Variants in SH3BP4 observed in about 807,000 individuals in gnomAD.
SH3BP4 encodes SH3 domain-binding protein 4.
Under a neutral mutation model 65.5 loss-of-function variants are expected in SH3BP4, and 33 were observed. That is an observed-to-expected ratio of 0.50 (90% CI 0.38 to 0.67). The LOEUF is 0.67. SH3BP4 is among the 30% of genes least tolerant of loss of function. The probability of loss-of-function intolerance (pLI) is 0.00; values close to 1 mark genes in which losing one functional copy is unlikely to be tolerated. For synonymous variants in SH3BP4, 552 were observed against 545.5 expected (o/e 1.01, Z -0.17); for missense variants, 1,134 against 1,261.4 (o/e 0.90, Z 1.53).
intron 1 of SH3BP4, among the ~76,000 whole-genome samples, chr2:234,990,926 G>A (rs914226444): frequency 1.3e-5 from 2 of 152,092 alleles, no homozygotes. Flanking sequence ...CCCCATCTTA[G>A]TCATCCTGTC....
At chr2:235,013,818 CAA>C (rs1048720565) in intron 2 of SH3BP4, among the ~76,000 whole-genome samples, 2 of 152,164 alleles carry the variant, frequency 1.3e-5, no homozygotes, top group African/African-American at 2.4e-5. Context: ...TGGTTGCCAT[CAA>C]GAAATGCCTT....
rs141754073 is a variant in SH3BP4 at position 234,984,682 on chromosome 2, C to T, written c.-206-10621C>T. Among the ~76,000 whole-genome samples the T allele has an allele frequency of 4.0e-3, 612 of 152,248 alleles. 6 individuals are homozygous for T. Among genetic ancestry groups the T allele is most frequent in the African/African-American group, 0.014 (571 of 41,532 alleles). ...CTGAGTGCTCAGGACCAGAACCGACCGAGTCCTCAGTTACATCACTCAGCT... is the reference window on the plus strand; with the variant it reads ...CTGAGTGCTCAGGACCAGAACCGACTGAGTCCTCAGTTACATCACTCAGCT... On this transcript the variant is annotated intron_variant, in intron 1 of 5. Transcript: ENST00000392011.
chr2:234,957,887 C>T (rs73124221), intron 1 of SH3BP4, among the ~76,000 whole-genome samples: 5,597 of 152,166 alleles, frequency 0.037, 192 homozygotes, highest in African/African-American at 0.094. Context: ...CTTAAGGCCT[C>T]GTAGAGGGTG....
At chr2:235,038,341 A>C (rs1373964266) in intron 3 of SH3BP4, among the ~76,000 whole-genome samples, 4 of 17,008 alleles carry the variant, frequency 2.4e-4, no homozygotes, top group African/African-American at 1.2e-3. Flanking sequence ...TATATATAGT[A>C]TATATATTTT....
At chr2:235,021,464 A>G (rs1694843319) in intron 2 of SH3BP4, among the ~76,000 whole-genome samples, 1 of 151,738 alleles carries the variant, frequency 6.6e-6, no homozygotes, top group Non-Finnish European at 1.5e-5. Context: ...AAAAAAAAAT[A>G]CAAAAAATAT....
At chr2:235,013,616 C>A (rs764270049) in intron 2 of SH3BP4, among the ~76,000 whole-genome samples, 6 of 152,176 alleles carry the variant, frequency 3.9e-5, no homozygotes, top group Non-Finnish European at 5.9e-5. Context: ...TCAAGAGCTC[C>A]CAATGTAACT....
chr2:235,036,736 T>TAAAAAAAAAAAAAAAAA (rs892360274), intron 3 of SH3BP4, among the ~76,000 whole-genome samples: 1 of 39,146 alleles, frequency 2.6e-5, no homozygotes, highest in African/African-American at 3.0e-4. Flanking sequence ...AGACTCTATA[T>TAAAAAAAAAAAAAAAAA]AAAAAATAAT....
At chr2:234,968,283 G>A (rs1033965031) in intron 1 of SH3BP4, among the ~76,000 whole-genome samples, 3 of 152,128 alleles carry the variant, frequency 2.0e-5, no homozygotes, top group South Asian at 2.1e-4. Flanking sequence ...GCAGAAACAC[G>A]GCCACCTGAT....
chr2:234,978,120 A>G lies in SH3BP4; in HGVS notation c.-206-17183A>G, dbSNP rs576957206. Among the ~76,000 whole-genome samples the G allele has an allele frequency of 6.6e-6, 1 of 151,010 alleles. No homozygotes were observed. The highest frequency in any genetic ancestry group is 1.5e-5 in the Non-Finnish European group (1 of 67,780). On this transcript the variant is annotated intron_variant, in intron 1 of 5. Transcript: ENST00000392011. The surrounding 1 kb of genome is among the most constrained non-coding windows in gnomAD (Gnocchi z 4.1). ...ACAGGCATGCGCCACCATGCCGGCT[A>G]ATTTTTGTATTTTTTAGTAGAGAAG...
At chr2:235,038,519 A>T (rs1390249334) in intron 3 of SH3BP4, among the ~76,000 whole-genome samples, 1 of 147,862 alleles carries the variant, frequency 6.8e-6, no homozygotes, top group Non-Finnish European at 1.5e-5. Flanking sequence ...TATATGTTAT[A>T]TGTATATTAC....
chr2:235,035,048 C>T lies in SH3BP4; in HGVS notation c.46C>T (p.Arg16Cys), dbSNP rs867144667. Residue 16 changes from arginine to cysteine, a missense_variant, in exon 3 of 6, where the codon CGC becomes TGC. Transcript: ENST00000392011. The surrounding 1 kb of genome is among the most constrained non-coding windows in gnomAD (Gnocchi z 5.0). Reference protein sequence around the residue: ...IRAANSNGLPRCKSEGTLIDL... With the variant: ...IRAANSNGLPCCKSEGTLIDL... Reference sequence around the variant, plus strand: ...AGCGGCCAACTCCAATGGCCTCCCTCGCTGCAAGTCAGAGGGGACCCTGAT... The same window carrying T: ...AGCGGCCAACTCCAATGGCCTCCCTTGCTGCAAGTCAGAGGGGACCCTGAT... 7 of 1,614,042 alleles carry T rather than the reference C, an allele frequency of 4.3e-6. 1 individual carries two copies. The South Asian group carries it at 4.4e-5, about 10-fold the overall frequency.
At chr2:235,027,338 C>T (rs927338726) in intron 2 of SH3BP4, among the ~76,000 whole-genome samples, 1 of 149,754 alleles carries the variant, frequency 6.7e-6, no homozygotes, top group African/African-American at 2.4e-5. Context: ...CCAGGAGTCC[C>T]TCCCACCCAC....
At position 235,052,724 on chromosome 2, in the gene SH3BP4, G is replaced by T; in HGVS notation, c.2641G>T (p.Asp881Tyr). 1.2e-6 allele frequency: 2 copies of T among 1,603,324 alleles called. No homozygotes were observed. The highest frequency in any genetic ancestry group is 1.7e-6 in the Non-Finnish European group (2 of 1,175,832). Residue 881 changes from aspartate to tyrosine, a missense_variant, in exon 5 of 6, where the codon GAC (aspartate) becomes TAC (tyrosine). Transcript: ENST00000392011. The surrounding 1 kb of genome is among the most constrained non-coding windows in gnomAD (Gnocchi z 5.0). Reference protein sequence around the residue: ...QMDAYESPHRDRNGVVDSEAM... With the variant: ...QMDAYESPHRYRNGVVDSEAM... Reference sequence around the variant, plus strand: ...GGACGCCTACGAGTCTCCCCACCGGGACAGGAACGGGGTTGTGGACAGCGA... The same window carrying T: ...GGACGCCTACGAGTCTCCCCACCGGTACAGGAACGGGGTTGTGGACAGCGA...
At chr2:234,954,805 T>C (rs1692551232) in intron 1 of SH3BP4, among the ~76,000 whole-genome samples, 1 of 152,024 alleles carries the variant, frequency 6.6e-6, no homozygotes, top group East Asian at 1.9e-4. Context: ...TGAAATTGCG[T>C]GGGAGGTGTG....
At chr2:235,051,413 G>A (rs986952862) in intron 4 of SH3BP4, among the ~76,000 whole-genome samples, 1 of 152,162 alleles carries the variant, frequency 6.6e-6, no homozygotes, top group Non-Finnish European at 1.5e-5. Flanking sequence ...TCCAGCCCCC[G>A]TTTTTAGGAG....
rs566648947 is a variant in SH3BP4 at position 235,035,259 on chromosome 2, G to A, written c.118+139G>A. Reference sequence around the variant, plus strand: ...GTTTAGTTCTTTAAACTTCATCATGGTAATAGATTTAGCCCTGGAATCATA... The same window carrying A: ...GTTTAGTTCTTTAAACTTCATCATGATAATAGATTTAGCCCTGGAATCATA... On this transcript the variant is annotated intron_variant, in intron 3 of 5. Transcript: ENST00000392011. The surrounding 1 kb of genome is among the most constrained non-coding windows in gnomAD (Gnocchi z 5.0). 1.5e-5 allele frequency: 11 copies of A among 728,142 alleles called. No homozygotes were observed. The highest frequency in any genetic ancestry group is 2.7e-5 in the Non-Finnish European group (11 of 414,990). The allele number at this position is 728,142 out of a possible 1,614,324, so 45.1% of individuals were successfully genotyped here. A position where few individuals can be genotyped will look rare whatever the true frequency, so the allele number is the denominator to read the frequency against.
At chr2:234,993,148 C>T (rs745923626) in intron 1 of SH3BP4, among the ~76,000 whole-genome samples, 5 of 152,212 alleles carry the variant, frequency 3.3e-5, no homozygotes, top group Non-Finnish European at 5.9e-5. Flanking sequence ...GAAGTGCCCC[C>T]GGCAGAGTGA....
chr2:234,970,300 G>A (rs970144084), intron 1 of SH3BP4, among the ~76,000 whole-genome samples: 6 of 152,172 alleles, frequency 3.9e-5, no homozygotes, highest in Non-Finnish European at 7.3e-5. Context: ...AAACCTTGGC[G>A]GGACTTCTCC....
intron 2 of SH3BP4, among the ~76,000 whole-genome samples, chr2:235,010,874 C>CTCCCTCTCCTAGAACCCTTCT (rs1694468987): frequency 7.5e-6 from 1 of 132,498 alleles, no homozygotes; most frequent in African/African-American, 2.8e-5. Flanking sequence ...AGAAACCTTC[C>CTCCCTCTCCTAGAACCCTTCT]TCCCTCTTCT....
Sources: allele counts gnomAD v4.1 joint callset (sites outside exome capture counted in the v4.1 genomes callset), GRCh38; gene constraint gnomAD v4.1.1; non-coding constraint Gnocchi (gnomAD v3.1); transcripts MANE v1.5; gene names NCBI Gene and HGNC (gene_info 2026-07-23, HGNC 2026-07-21).